HIVEP3: variants seen among roughly 807,000 people sequenced by gnomAD.
HIVEP3 encodes the protein transcription factor HIVEP3.
A neutral mutation model predicts 152.8 loss-of-function variants in HIVEP3; 49 were observed. That is an observed-to-expected ratio of 0.32 (90% CI 0.26 to 0.41). The LOEUF (loss-of-function observed/expected upper bound fraction) is 0.41, where lower values mean the gene tolerates loss of function less well. Among genes scored for constraint, HIVEP3 ranks in the 10% least tolerant of loss-of-function variants. The probability of loss-of-function intolerance (pLI) is 1.00; values close to 1 mark genes in which losing one functional copy is unlikely to be tolerated. For synonymous variants in HIVEP3, 1,269 were observed against 1,289.0 expected (o/e 0.98, Z 0.33); for missense variants, 2,790 against 3,103.3 (o/e 0.90, Z 2.40).
intron 1 of HIVEP3, among the ~76,000 whole-genome samples, chr1:41,743,156 C>T (rs1183207914): frequency 6.6e-6 from 1 of 152,080 alleles, no homozygotes; most frequent in African/African-American, 2.4e-5. Context: ...ATGCCACTGA[C>T]AGCATGAGGC....
chr1:41,758,469 G>C (rs1319058706), intron 1 of HIVEP3, among the ~76,000 whole-genome samples: 3 of 152,200 alleles, frequency 2.0e-5, no homozygotes, highest in African/African-American at 7.2e-5. Flanking sequence ...ATGGACCAAG[G>C]TAGTGGTTCC....
chr1:41,882,067 A>G (rs1644270204), intron 1 of HIVEP3, among the ~76,000 whole-genome samples: 1 of 152,234 alleles, frequency 6.6e-6, no homozygotes, highest in Admixed American at 6.5e-5. Context: ...GTTTTTGTAG[A>G]CACATTAAAT....
chr1:41,966,717 G>A (rs898651181), intron 1 of HIVEP3, among the ~76,000 whole-genome samples: 9 of 150,702 alleles, frequency 6.0e-5, no homozygotes, highest in Non-Finnish European at 1.0e-4. Flanking sequence ...TCCTGACCTC[G>A]TGATCCACCC....
At chr1:41,787,531 CTTTCTT>C (rs1245902976) in intron 1 of HIVEP3, among the ~76,000 whole-genome samples, 4 of 132,436 alleles carry the variant, frequency 3.0e-5, no homozygotes, top group Admixed American at 7.1e-5. Flanking sequence ...CCTTTTCTTT[CTTTCTT>C]TTTTTTTTTT....
chr1:41,901,306 C>T (rs1036411191), intron 1 of HIVEP3, among the ~76,000 whole-genome samples: 2 of 152,000 alleles, frequency 1.3e-5, no homozygotes, highest in African/African-American at 4.8e-5. Flanking sequence ...TGTGTTGAGT[C>T]ATCTAAGTGG....
chr1:41,861,156 A>T (rs1050005061), intron 1 of HIVEP3, among the ~76,000 whole-genome samples: 1 of 152,218 alleles, frequency 6.6e-6, no homozygotes, highest in African/African-American at 2.4e-5. Context: ...AATGACTCCA[A>T]ATAAAACTCC....
chr1:41,561,127 G>A (rs1213216462), intron 5 of HIVEP3, among the ~76,000 whole-genome samples: 3 of 152,168 alleles, frequency 2.0e-5, no homozygotes, highest in East Asian at 3.9e-4. Flanking sequence ...GAAAGACCCT[G>A]CACATTCACA....
intron 1 of HIVEP3, among the ~76,000 whole-genome samples, chr1:41,841,229 G>A (rs1643280117): frequency 1.3e-5 from 2 of 152,128 alleles, no homozygotes; most frequent in South Asian, 4.1e-4. Context: ...AGAATCTGTG[G>A]TGGCTTGATT....
At chr1:41,819,078 A>G (rs991648539) in intron 1 of HIVEP3, among the ~76,000 whole-genome samples, 1 of 152,174 alleles carries the variant, frequency 6.6e-6, no homozygotes, top group Admixed American at 6.5e-5. Context: ...TCACTAATAA[A>G]TTGTAGAATC....
intron 5 of HIVEP3, among the ~76,000 whole-genome samples, chr1:41,552,020 G>C (rs932835047): frequency 3.3e-5 from 5 of 152,222 alleles, no homozygotes; most frequent in Non-Finnish European, 7.4e-5. Context: ...TAGGCATTTA[G>C]TGCTATAAAT....
intron 2 of HIVEP3, among the ~76,000 whole-genome samples, chr1:41,686,099 T>G (rs190646803): frequency 1.9e-3 from 294 of 152,084 alleles, no homozygotes; most frequent in African/African-American, 6.7e-3. Flanking sequence ...TGAGATGGAG[T>G]CTCACTCTGT....
At chr1:41,607,712 G>A (rs1387632498) in intron 3 of HIVEP3, among the ~76,000 whole-genome samples, 1 of 152,142 alleles carries the variant, frequency 6.6e-6, no homozygotes, top group Non-Finnish European at 1.5e-5. Flanking sequence ...TGTAAAGTTA[G>A]GATATGTATT....
intron 1 of HIVEP3, among the ~76,000 whole-genome samples, chr1:41,889,259 C>T (rs1016394126): frequency 6.6e-6 from 1 of 152,124 alleles, no homozygotes; most frequent in Non-Finnish European, 1.5e-5. Flanking sequence ...TCCCCTGCTA[C>T]ACACAAACTC....
intron 1 of HIVEP3, among the ~76,000 whole-genome samples, chr1:41,854,264 G>A (rs926965433): frequency 2.0e-5 from 3 of 152,178 alleles, no homozygotes; most frequent in Admixed American, 1.3e-4. Context: ...CCCAGCAGGC[G>A]CTGGGGAAGG....
At chr1:41,739,949 A>G (rs903582367) in intron 1 of HIVEP3, among the ~76,000 whole-genome samples, 1 of 152,202 alleles carries the variant, frequency 6.6e-6, no homozygotes, top group Non-Finnish European at 1.5e-5. Context: ...CCTAGCACCC[A>G]GCCACAAACA....
intron 1 of HIVEP3, among the ~76,000 whole-genome samples, chr1:41,917,876 G>A (rs1644895026): frequency 6.6e-6 from 1 of 152,162 alleles, no homozygotes; most frequent in African/African-American, 2.4e-5. Flanking sequence ...CTCTGTCTCA[G>A]CAGCCAGCAT....
At chr1:41,544,946 TACCACCTCTACCATCAC>T (rs1643683123) in intron 5 of HIVEP3, among the ~76,000 whole-genome samples, 1 of 198 alleles carries the variant, frequency 5.1e-3, no homozygotes, top group African/African-American at 0.045. Flanking sequence ...CCACCACCAC[TACCACCTCTACCATCAC>T]CACCACCACC....
intron 2 of HIVEP3, among the ~76,000 whole-genome samples, chr1:41,639,629 G>A (rs1046647182): frequency 6.6e-6 from 1 of 151,904 alleles, no homozygotes; most frequent in Non-Finnish European, 1.5e-5. Flanking sequence ...TGGGGTTTGG[G>A]GTTGGCTCTG....
At chr1:41,541,591 A>G (rs1643533644) in intron 5 of HIVEP3, among the ~76,000 whole-genome samples, 2 of 152,002 alleles carry the variant, frequency 1.3e-5, no homozygotes, top group Admixed American at 1.3e-4. Flanking sequence ...CTCAGATCCA[A>G]CCCCAGCTTC....
Sources: gnomAD v4.1 joint callset for allele counts (sites outside exome capture counted in the v4.1 genomes callset) on GRCh38, gnomAD v4.1.1 for gene constraint, MANE v1.5 for transcripts, NCBI Gene and HGNC (gene_info 2026-07-23, HGNC 2026-07-21) for gene names.